Variants in RBM46 observed in about 807,000 individuals in gnomAD.
RBM46 encodes probable RNA-binding protein 46.
In RBM46, 12 loss-of-function variants were observed where a neutral mutation model predicts 43.3. The ratio of observed to expected loss-of-function variants is 0.28; its 90% CI spans 0.18 to 0.45. The LOEUF is 0.45. Among genes scored for constraint, RBM46 ranks in the 20% least tolerant of loss-of-function variants. RBM46 has a pLI of 1.00. For missense variants in RBM46, 412 were observed against 639.1 expected (o/e 0.64, Z 3.83); for synonymous variants, 205 against 207.6 (o/e 0.99, Z 0.11).
intron 4 of RBM46, chr4:154,826,799 C>T: frequency 1.3e-6 from 2 of 1,517,142 alleles, no homozygotes; most frequent in Non-Finnish European, 1.8e-6. Flanking sequence ...GCTTACTCTC[C>T]TGCAGTTGAT....
chr4:154,787,088 A>T (rs567919415), intron 1 of RBM46: 65 of 152,318 alleles, frequency 4.3e-4, no homozygotes, highest in African/African-American at 1.5e-3. Flanking sequence ...TTTATAATAT[A>T]ACTTTATTAT....
Position 154,782,639 on chromosome 4 carries a change from C to T in RBM46, c.-12+1203C>T, listed in dbSNP as rs553507863. 1.2e-4 allele frequency among the ~76,000 whole-genome samples: 18 copies of T among 152,262 alleles called. No individual in the cohort carries two copies. The South Asian group carries it at 2.7e-3, about 23-fold the overall frequency. On this transcript the variant is annotated intron_variant, in intron 1 of 4. Transcript: ENST00000281722. ...TAGCTGGGACTACAGGCGCGCGCCA[C>T]CACGCACAGCTGATTTTTGTATTAG...
At chr4:154,789,589 A>C (rs1338644671) in intron 1 of RBM46, among the ~76,000 whole-genome samples, 1 of 152,138 alleles carries the variant, frequency 6.6e-6, no homozygotes, top group East Asian at 1.9e-4. Context: ...TATTTTAGTG[A>C]GGATTTTTGC....
chr4:154,821,520 T>C (rs1369949485), intron 4 of RBM46, among the ~76,000 whole-genome samples: 1 of 151,742 alleles, frequency 6.6e-6, no homozygotes, highest in African/African-American at 2.4e-5. Context: ...CCAAAAGGAG[T>C]TGGATATAAT....
intron 4 of RBM46, chr4:154,827,651 A>C: frequency 7.4e-7 from 1 of 1,356,706 alleles, no homozygotes; most frequent in Non-Finnish European, 9.4e-7. Context: ...TCTCTGAAAC[A>C]TTGCGTGAGT....
Position 154,797,806 on chromosome 4 carries a change from T to C in RBM46, c.152-5T>C. ...TTTATGTGTCTTTTCATTTTTGTCGTTCAGGTTGGGAAGGTCCACCTCCAC... is the reference window on the plus strand; with the variant it reads ...TTTATGTGTCTTTTCATTTTTGTCGCTCAGGTTGGGAAGGTCCACCTCCAC... On this transcript the variant is annotated splice_polypyrimidine_tract_variant and splice_region_variant and intron_variant, in intron 2 of 4. Coordinates refer to ENST00000281722, the MANE Select transcript of RBM46 (RefSeq NM_144979.5). The C allele has an allele frequency of 6.6e-7, 1 of 1,506,042 alleles. No individual in the cohort carries two copies. The highest frequency in any genetic ancestry group is 1.4e-5 in the South Asian group (1 of 72,088). 93.3% of individuals were successfully genotyped at this position (1,506,042 alleles called of 1,614,324 possible). A position where few individuals can be genotyped will look rare whatever the true frequency, so the allele number is the denominator to read the frequency against.
intron 1 of RBM46, among the ~76,000 whole-genome samples, chr4:154,783,290 A>G (rs1348447446): frequency 6.6e-6 from 1 of 152,194 alleles, no homozygotes; most frequent in Non-Finnish European, 1.5e-5. Flanking sequence ...CTTAAAATAT[A>G]TGCATTACTG....
intron 4 of RBM46, among the ~76,000 whole-genome samples, chr4:154,812,613 A>G (rs1391058951): frequency 6.6e-6 from 1 of 152,202 alleles, no homozygotes; most frequent in African/African-American, 2.4e-5. Context: ...ACATCCCAAT[A>G]CATAGTTTAG....
At chr4:154,784,119 T>A (rs753976278) in intron 1 of RBM46, among the ~76,000 whole-genome samples, 3 of 152,226 alleles carry the variant, frequency 2.0e-5, no homozygotes, top group Non-Finnish European at 4.4e-5. Flanking sequence ...TCATAAACAT[T>A]TAATGTGCCC....
At chr4:154,791,020 C>T in intron 1 of RBM46, among the ~76,000 whole-genome samples, 1 of 152,082 alleles carries the variant, frequency 6.6e-6, no homozygotes, top group Admixed American at 6.6e-5. Flanking sequence ...TTTTGGCCAA[C>T]CACACTTTTG....
At chr4:154,795,403 T>C (rs1008773285) in intron 1 of RBM46, among the ~76,000 whole-genome samples, 2 of 152,208 alleles carry the variant, frequency 1.3e-5, no homozygotes, top group Non-Finnish European at 2.9e-5. Context: ...CAGATCATTT[T>C]TCTGTGTAAT....
intron 1 of RBM46, among the ~76,000 whole-genome samples, chr4:154,782,583 A>G (rs1733546530): frequency 6.6e-6 from 1 of 152,150 alleles, no homozygotes; most frequent in African/African-American, 2.4e-5. Flanking sequence ...TACCGGGTTC[A>G]AGCGATTCTC....
At chr4:154,796,708 T>C in intron 1 of RBM46, 34 bp from the exon 2 acceptor site, 1 of 1,438,264 alleles carries the variant, frequency 7.0e-7, no homozygotes, top group Non-Finnish European at 9.5e-7. Flanking sequence ...TATTCTGTTG[T>C]AAACTTAACC....
chr4:154,806,623 GC>G (rs1213464428), intron 4 of RBM46, among the ~76,000 whole-genome samples: 2 of 151,388 alleles, frequency 1.3e-5, no homozygotes, highest in Non-Finnish European at 3.0e-5. Context: ...CAAAGCTTAT[GC>G]CCCCCTACTT....
chr4:154,818,137 A>G (rs1257837075), intron 4 of RBM46, among the ~76,000 whole-genome samples: 1 of 152,162 alleles, frequency 6.6e-6, no homozygotes, highest in East Asian at 1.9e-4. Flanking sequence ...AATCGTTTTT[A>G]TACTTAATAT....
chr4:154,783,627 A>G (rs1733614998), intron 1 of RBM46, among the ~76,000 whole-genome samples: 1 of 152,248 alleles, frequency 6.6e-6, no homozygotes, highest in South Asian at 2.1e-4. Context: ...GGACAAGAAT[A>G]TGTAGATATC....
chr4:154,809,614 C>G (rs1273188722), intron 4 of RBM46, among the ~76,000 whole-genome samples: 2 of 152,118 alleles, frequency 1.3e-5, no homozygotes, highest in East Asian at 1.9e-4. Context: ...CAATACAAAA[C>G]CCAGCTTAGG....
chr4:154,811,631 T>A (rs1735174048), intron 4 of RBM46, among the ~76,000 whole-genome samples: 1 of 151,488 alleles, frequency 6.6e-6, no homozygotes, highest in African/African-American at 2.4e-5. Flanking sequence ...AGTCTCACAG[T>A]TCCTTGTGGT....
chr4:154,823,926 A>G (rs1735833840), intron 4 of RBM46, among the ~76,000 whole-genome samples: 1 of 151,972 alleles, frequency 6.6e-6, no homozygotes, highest in Non-Finnish European at 1.5e-5. Context: ...CCTGTTAGCC[A>G]TTACTGCTTA....
Sources: gnomAD v4.1 joint callset for allele counts (sites outside exome capture counted in the v4.1 genomes callset) on GRCh38, gnomAD v4.1.1 for gene constraint, MANE v1.5 for transcripts, NCBI Gene and HGNC (gene_info 2026-07-23, HGNC 2026-07-21) for gene names.